ERI2: variants seen among roughly 807,000 people sequenced by gnomAD.
ERI2 encodes ERI1 exoribonuclease 2.
In ERI2, 35 loss-of-function variants were observed where a neutral mutation model predicts 46.8. The ratio of observed to expected loss-of-function variants is 0.75; its 90% CI spans 0.57 to 0.99. ERI2 has a LOEUF of 0.99. Ranked by LOEUF, ERI2 falls within the 50% of genes least tolerant of loss-of-function variation. The pLI, the probability that ERI2 is intolerant of heterozygous loss-of-function variation, is 0.00. For missense variants in ERI2, 695 were observed against 796.2 expected, an observed-to-expected ratio of 0.87 and a Z score of 1.53; for synonymous variants, 224 against 271.0, an observed-to-expected ratio of 0.83 and a Z score of 1.70.
Position 20,799,989 on chromosome 16 carries a change from A to G in ERI2, c.611T>C (p.Val204Ala), listed in dbSNP as rs752839545. The G allele has an allele frequency of 6.2e-7, 1 of 1,606,278 alleles. No individual in the cohort carries two copies. The highest frequency in any genetic ancestry group is 2.2e-5 in the East Asian group (1 of 44,708). The change falls in exon 7 of 9, where the codon GTA becomes GCA. Residue 204 changes from valine (V) to alanine (A), a missense_variant. By Grantham distance (64) the Val-to-Ala change is moderately conservative. Coordinates refer to ENST00000357967, the MANE Select transcript of ERI2 (RefSeq NM_001142725.2). ...PKGLSGALQEVGIEFSGREHS... is the reference protein window; with the variant it reads ...PKGLSGALQEAGIEFSGREHS... ...TTCTCGTCCTGAGAATTCTATTCCT[A>G]CTTCCTGCAAGGCACCACTTAGTCC...
At chr16:20,806,041 G>C (rs904443244) in intron 1 of ERI2, 3 of 1,193,008 alleles carry the variant, frequency 2.5e-6, no homozygotes, top group Non-Finnish European at 3.1e-6. Flanking sequence ...CGAACAGGTT[G>C]AACACCTTGA....
Position 20,806,331 on chromosome 16 carries a change from G to A in ERI2, c.23+77C>T. 4 of 1,535,730 alleles carry A rather than the reference G, an allele frequency of 2.6e-6. No individual in the cohort carries two copies. The Admixed American group carries it at 6.0e-5, about 23-fold the overall frequency. ...GAGGCCCTCACCGCAGATGCCACCT[G>A]CCGTGCCCTGCTCTGCGGCCAACGC... On this transcript the variant is annotated intron_variant, in intron 1 of 8. Coordinates refer to ENST00000357967, the MANE Select transcript of ERI2 (RefSeq NM_001142725.2).
chr16:20,796,373 G>A lies in ERI2; in HGVS notation c.*1351C>T, dbSNP rs1416705684. 11 of 1,609,700 alleles carry A rather than the reference G, an allele frequency of 6.8e-6. No individual in the cohort carries two copies. The highest frequency in any genetic ancestry group is 9.3e-6 in the Non-Finnish European group (11 of 1,179,024). ...GTGTTTCAAATATTTATTTTAGGTAGTAAAGGCTTTTGTCGTTCTAAATCC... is the reference window on the plus strand; with the variant it reads ...GTGTTTCAAATATTTATTTTAGGTAATAAAGGCTTTTGTCGTTCTAAATCC... On this transcript the variant is annotated 3_prime_UTR_variant, in exon 9 of 9. Coordinates refer to ENST00000357967, the MANE Select transcript of ERI2 (RefSeq NM_001142725.2).
At chr16:20,791,667 C>T (rs547212046), downstream of ERI2, among the ~76,000 whole-genome samples, 8 of 152,298 alleles carry the variant, frequency 5.3e-5, no homozygotes, top group Admixed American at 4.6e-4. Flanking sequence ...TGGCTTATGC[C>T]TGTAATCTCA....
intron 1 of ERI2, among the ~76,000 whole-genome samples, chr16:20,804,614 C>T (rs944282901): frequency 7.9e-5 from 12 of 151,742 alleles, no homozygotes; most frequent in African/African-American, 2.7e-4. Context: ...TGCAGTGAGC[C>T]GAGATCATGC....
chr16:20,800,357 T>C lies in ERI2; in HGVS notation c.506A>G (p.Gln169Arg). The change falls in exon 6 of 9, where the codon CAG (glutamine) becomes CGG (arginine). Residue 169 changes from glutamine (Q) to arginine (R), a missense_variant. Transcript: ENST00000357967. ...ATTTAAAAACACAGGTTTTAACAGC[T>C]GCTTTCTTTTACACTCATACTCCAG... Reference protein sequence around the residue: ...VCLEYECKRKQLLKPVFLNSW... With the variant: ...VCLEYECKRKRLLKPVFLNSW... 6.2e-7 allele frequency: 1 copy of C among 1,610,966 alleles called. No individual in the cohort carries two copies. Among genetic ancestry groups the C allele is most frequent in the Non-Finnish European group, 8.5e-7 (1 of 1,178,098 alleles).
intron 10 of ERI2, among the ~76,000 whole-genome samples, chr16:20,782,251 T>C (rs974600772): frequency 6.6e-6 from 1 of 152,210 alleles, no homozygotes; most frequent in African/African-American, 2.4e-5. Flanking sequence ...TTTTGTTTTG[T>C]TTTGTTTCAA....
chr16:20,796,562 A>G lies in ERI2; in HGVS notation c.*1162T>C. On this transcript the variant is annotated 3_prime_UTR_variant, in exon 9 of 9. Coordinates refer to ENST00000357967, the MANE Select transcript of ERI2 (RefSeq NM_001142725.2). The stretch of plus-strand genomic sequence containing the variant: ...TTCAAGTGTTTATTTTTACATTTTA[A>G]TGAATATTTTCTTCACACATGCTGC... The G allele has an allele frequency of 6.3e-7, 1 of 1,589,580 alleles. No homozygotes were observed. The highest frequency in any genetic ancestry group is 8.5e-7 in the Non-Finnish European group (1 of 1,174,056).
chr16:20,796,284 G>A, downstream of ERI2: 15 of 1,547,286 alleles, frequency 9.7e-6, no homozygotes, highest in Non-Finnish European at 1.3e-5. Context: ...CACCAGGCAT[G>A]TAGATTCTCA....
rs1490788911 is a variant in ERI2 at position 20,798,349 on chromosome 16, T to G, written c.1451A>C (p.Tyr484Ser). Residue 484 changes from tyrosine (Y) to serine (S), a missense_variant, in exon 9 of 9, where the codon TAT becomes TCT. Tyr to Ser is a moderately radical substitution (Grantham distance 144). Coordinates refer to ENST00000357967, the MANE Select transcript of ERI2 (RefSeq NM_001142725.2). The stretch of plus-strand genomic sequence containing the variant: ...TGGATCTTTGGCTTCTTTTACATTA[T>G]AAATAGTAGTGTGAGGACTCTTGTA... ...IVYKSPHTTI[Y>S]NVKEAKDPGS... 1 of 1,551,532 alleles carries G rather than the reference T, an allele frequency of 6.4e-7. No individual in the cohort carries two copies. The highest frequency in any genetic ancestry group is 8.7e-7 in the Non-Finnish European group (1 of 1,146,902).
In ERI2 at chr16:20,796,628, A is replaced by G; in HGVS notation, c.*1096T>C. ...CTGAACTGATGACATATGGGTAAGA[A>G]TCAGAATCTTTGAGATTAAAATGAA... On this transcript the variant is annotated 3_prime_UTR_variant, in exon 9 of 9. Coordinates refer to ENST00000357967, the MANE Select transcript of ERI2 (RefSeq NM_001142725.2). 1 of 1,509,182 alleles carries G rather than the reference A, an allele frequency of 6.6e-7. No individual in the cohort carries two copies. The highest frequency in any genetic ancestry group is 8.8e-7 in the Non-Finnish European group (1 of 1,137,878). The allele number at this position is 1,509,182 out of a possible 1,614,324, so 93.5% of individuals were successfully genotyped here.
In ERI2 at chr16:20,789,499, TC is replaced by T; in HGVS notation, c.873del (p.Asn292IlefsTer5). ...CTTACCATTGTCAACCAGAGAATAT[TC>T]CCCTTTTCCTGTTTACTCATATTGG... On this transcript the variant is annotated frameshift_variant, in exon 10 of 11. Transcript: ENST00000300005. LOFTEE classifies it low-confidence loss of function (END_TRUNC). The T allele has an allele frequency of 6.2e-7, 1 of 1,613,476 alleles. No homozygotes were observed. The highest frequency in any genetic ancestry group is 8.5e-7 in the Non-Finnish European group (1 of 1,179,446).
Position 20,790,876 on chromosome 16 carries a change from C to A in ERI2, c.789G>T (p.Gln263His). Residue 263 changes from glutamine to histidine, a missense_variant, in exon 9 of 11, where the codon CAG becomes CAT. Coordinates refer to the ERI2 transcript ENST00000300005. This position sits in a 1 kb window ranked among gnomAD's most constrained non-coding sequence, Gnocchi z 4.0. The stretch of plus-strand genomic sequence containing the variant: ...CAAATTCTTGCTGAAGAAAAGCATG[C>A]TGGTCCCCTGAGGCCAGATCACTGT... 1 of 1,614,020 alleles carries A rather than the reference C, an allele frequency of 6.2e-7. No individual in the cohort carries two copies. The highest frequency in any genetic ancestry group is 1.1e-5 in the South Asian group (1 of 91,078).
intron 10 of ERI2, among the ~76,000 whole-genome samples, chr16:20,789,159 C>G (rs137908650): frequency 2.0e-5 from 3 of 152,204 alleles, no homozygotes; most frequent in Non-Finnish European, 4.4e-5. Context: ...TTGGATTAAA[C>G]TCTCTAGAGG....
chr16:20,786,168 T>C, intron 10 of ERI2: 1 of 1,608,720 alleles, frequency 6.2e-7, no homozygotes, highest in Non-Finnish European at 8.5e-7. Flanking sequence ...GGTTTGCACA[T>C]CCCCTTCCAG....
downstream of ERI2, chr16:20,792,010 T>C (rs904773820): frequency 6.2e-7 from 1 of 1,613,942 alleles, no homozygotes; most frequent in African/African-American, 1.3e-5. Context: ...AGGATAATCC[T>C]TCAAAAACAG....
Position 20,803,452 on chromosome 16 carries a change from G to A in ERI2, c.156C>T (p.His52=). The stretch of plus-strand genomic sequence containing the variant: ...ACTTACTTATTTCCTGGCTATGGTG[G>A]TGCTTCCCATCATTCCAGCATGTCG... ...FESTCWNDGK[H]HHSQEIIEFP... is the part of the protein sequence containing the mutation. The change falls in exon 3 of 9, where the codon CAC becomes CAT. Residue 52 remains histidine (H), a synonymous_variant. Transcript: ENST00000357967. 1.2e-6 allele frequency: 2 copies of A among 1,613,918 alleles called. No individual in the cohort carries two copies. Among genetic ancestry groups the A allele is most frequent in the Non-Finnish European group, 8.5e-7 (1 of 1,179,858 alleles).
chr16:20,803,765 ATTAT>A, intron 1 of ERI2, 95 bp from the exon 2 acceptor site: 1 of 1,359,578 alleles, frequency 7.4e-7, no homozygotes, highest in Non-Finnish European at 1.0e-6. Context: ...CAACAATCTC[ATTAT>A]TTATTGTGAC....
At chr16:20,783,612 G>A (rs1356555628) in intron 10 of ERI2, 2 of 152,050 alleles carry the variant, frequency 1.3e-5, no homozygotes, top group Non-Finnish European at 2.9e-5. Context: ...TTAAACTGAT[G>A]TTATTTAATT....
Sources: gnomAD v4.1 joint callset for allele counts (sites outside exome capture counted in the v4.1 genomes callset) on GRCh38, gnomAD v4.1.1 for gene constraint, Gnocchi (gnomAD v3.1) non-coding constraint, MANE v1.5 for transcripts, NCBI Gene and HGNC (gene_info 2026-07-23, HGNC 2026-07-21) for gene names.